The following PCCB variants were observed in gnomAD, a reference collection of about 807,000 sequenced individuals.
PCCB encodes propionyl-CoA carboxylase subunit beta.
PCCB carries 43 observed loss-of-function variants against 60.7 expected under a neutral mutation model. The ratio of observed to expected loss-of-function variants is 0.71; its 90% confidence interval spans 0.55 to 0.91. PCCB has a LOEUF of 0.91. PCCB is among the 40% of genes least tolerant of loss of function. PCCB has a pLI of 0.00. For synonymous variants in PCCB, 276 were observed against 255.9 expected, an observed-to-expected ratio of 1.08 and a Z score of -0.75; for missense variants, 766 against 702.8, an observed-to-expected ratio of 1.09 and a Z score of -1.02.
intron 2 of PCCB, 112 bp downstream of exon 2, chr3:136,256,087 C>A: frequency 6.9e-7 from 1 of 1,445,382 alleles, no homozygotes; most frequent in Non-Finnish European, 9.6e-7. Flanking sequence ...TGCAGAGGCA[C>A]TGCAGACATC....
chr3:136,252,867 A>G (rs1941554586), intron 1 of PCCB, among the ~76,000 whole-genome samples: 1 of 146,730 alleles, frequency 6.8e-6, no homozygotes, highest in African/African-American at 2.5e-5. Flanking sequence ...AACTTACTCT[A>G]CTTTACATGA....
At position 136,273,603 on chromosome 3, in the gene PCCB, T is replaced by C. The variant is rs1347231893; in HGVS notation, c.544-10234T>C. On this transcript the variant is annotated intron_variant, in intron 5 of 14. Coordinates refer to ENST00000251654, the MANE Select transcript of PCCB (RefSeq NM_000532.5). ...CTTTTTTTTTTTCTTTTTTCTTTTT[T>C]TTTTTTTTTTTTTTTTACTGTTGTT... 5.6e-3 allele frequency among the ~76,000 whole-genome samples: 783 copies of C among 138,922 alleles called. 3 individuals carry two copies. The highest frequency in any genetic ancestry group is 0.017 in the East Asian group (84 of 5,020). The allele number at this position is 138,922 out of a possible 152,430, so 91.1% of individuals were successfully genotyped here.
At chr3:136,322,060 T>C (rs1935128501) in intron 10 of PCCB, among the ~76,000 whole-genome samples, 1 of 152,220 alleles carries the variant, frequency 6.6e-6, no homozygotes, top group East Asian at 1.9e-4. Flanking sequence ...GCAGGAAAAC[T>C]TCTAGTTTCT....
At position 136,327,672 on chromosome 3, in the gene PCCB, C is replaced by T. The variant is rs958149789; in HGVS notation, c.1338C>T (p.His446=). The change falls in exon 13 of 15, where the codon CAC becomes CAT. Residue 446 remains histidine, a synonymous_variant. Transcript: ENST00000251654. ...GGAYDVMSSK[H]LCGDTNYAWP... Reference sequence around the variant, plus strand: ...CCTATGATGTCATGAGCTCTAAGCACCTTTGTGGTGATACCAACTATGCCT... The same window carrying T: ...CCTATGATGTCATGAGCTCTAAGCATCTTTGTGGTGATACCAACTATGCCT... 2.4e-5 allele frequency: 39 copies of T among 1,613,912 alleles called. No homozygotes were observed. The highest frequency in any genetic ancestry group is 3.1e-5 in the Non-Finnish European group (37 of 1,179,988).
intron 4 of PCCB, 117 bp from the exon 5 acceptor site, chr3:136,261,835 C>T: frequency 1.4e-6 from 1 of 727,582 alleles, no homozygotes; most frequent in South Asian, 1.5e-5. Flanking sequence ...GTGTTACTGC[C>T]TCCTGTTTTG....
intron 1 of PCCB, among the ~76,000 whole-genome samples, 156 bp downstream of exon 1, chr3:136,250,714 C>T (rs190302995): frequency 4.6e-5 from 7 of 152,358 alleles, no homozygotes; most frequent in Admixed American, 3.9e-4. Context: ...TAGCGTTTCT[C>T]GTGGAGGCGG....
chr3:136,327,377 T>A (rs1347711697), intron 12 of PCCB, 122 bp downstream of exon 12: 2 of 797,668 alleles, frequency 2.5e-6, no homozygotes, highest in Admixed American at 4.0e-5. Context: ...CTTAAAAAGA[T>A]CTCTTGAGGA....
At chr3:136,327,505 G>C in intron 12 of PCCB, 129 bp from the exon 13 acceptor site, 1 of 782,012 alleles carries the variant, frequency 1.3e-6, no homozygotes, top group Non-Finnish European at 2.3e-6. Flanking sequence ...CTTACAGACC[G>C]TGGGCCTTCA....
rs761959795 is a variant in PCCB, at chr3:136,252,268, AT to A, written c.183+1718del. ...TGGGTCAAAGGGTGTAAGTTTATTTATTTTTTTTGAGACAGAGTTCACTCTG... is the reference window on the plus strand; with the variant it reads ...TGGGTCAAAGGGTGTAAGTTTATTTATTTTTTTGAGACAGAGTTCACTCTG... On this transcript the variant is annotated intron_variant, in intron 1 of 14. Transcript: ENST00000251654. 17 of 453,816 alleles carry A rather than the reference AT, an allele frequency of 3.7e-5. No homozygotes were observed. In the East Asian group the frequency reaches 4.2e-4, roughly 11 times the overall value. 28.1% of individuals were successfully genotyped at this position (453,816 alleles called of 1,614,324 possible). A position where few individuals can be genotyped will look rare whatever the true frequency, so the allele number is the denominator to read the frequency against.
intron 11 of PCCB, 78 bp downstream of exon 11, chr3:136,326,988 C>T (rs773113049): frequency 1.7e-6 from 2 of 1,146,808 alleles, no homozygotes; most frequent in Non-Finnish European, 2.7e-6. Flanking sequence ...GATCTTCTTG[C>T]AGAACTCCCC....
intron 5 of PCCB, among the ~76,000 whole-genome samples, chr3:136,277,810 A>G (rs1191547879): frequency 6.6e-6 from 1 of 152,146 alleles, no homozygotes; most frequent in Non-Finnish European, 1.5e-5. Flanking sequence ...GCCTAGGCTC[A>G]GAACTCAAAC....
chr3:136,251,312 C>G (rs1201514520), intron 1 of PCCB: 2 of 456,528 alleles, frequency 4.4e-6, no homozygotes, highest in Non-Finnish European at 8.8e-6. Flanking sequence ...GACTTGAAAC[C>G]AGGCTTGCCC....
chr3:136,261,949 C>G lies in PCCB; in HGVS notation c.430-3C>G. On this transcript the variant is annotated splice_region_variant and splice_polypyrimidine_tract_variant and intron_variant, in intron 4 of 14. Coordinates refer to ENST00000251654, the MANE Select transcript of PCCB (RefSeq NM_000532.5). Reference sequence around the variant, plus strand: ...TCAATAAAAGATTTCTCTGCTGTCTCAGATCATGGACCAGGCCATAACGGT... The same window carrying G: ...TCAATAAAAGATTTCTCTGCTGTCTGAGATCATGGACCAGGCCATAACGGT... 1 of 1,533,504 alleles carries G rather than the reference C, an allele frequency of 6.5e-7. No homozygotes were observed. Among genetic ancestry groups the G allele is most frequent in the Non-Finnish European group, 8.9e-7 (1 of 1,128,428 alleles). 95.0% of individuals were successfully genotyped at this position (1,533,504 alleles called of 1,614,324 possible). A position where few individuals can be genotyped will look rare whatever the true frequency, so the allele number is the denominator to read the frequency against.
intron 1 of PCCB, chr3:136,252,330 T>A: frequency 2.2e-6 from 1 of 455,346 alleles, no homozygotes; most frequent in South Asian, 1.6e-5. Context: ...CACTGCAACT[T>A]CTGCTTCCCA....
At chr3:136,321,287 A>G (rs1032915768) in intron 10 of PCCB, among the ~76,000 whole-genome samples, 4 of 152,226 alleles carry the variant, frequency 2.6e-5, no homozygotes, top group African/African-American at 7.2e-5. Flanking sequence ...ACATGCACAC[A>G]TGCACAGCCT....
At position 136,266,404 on chromosome 3, in the gene PCCB, C is replaced by T. The variant is rs112183603; in HGVS notation, c.543+4339C>T. Among the ~76,000 whole-genome samples, 26 of 152,294 alleles carry T rather than the reference C, an allele frequency of 1.7e-4. 1 individual carries two copies. Among genetic ancestry groups the T allele is most frequent in the African/African-American group, 6.3e-4 (26 of 41,556 alleles). On this transcript the variant is annotated intron_variant, in intron 5 of 14. Transcript: ENST00000251654. The stretch of plus-strand genomic sequence containing the variant: ...TTGGCCTCCCAAAGTGCTGGGATTA[C>T]AGGCGTGAGCCACCGCACCCAGCCA...
chr3:136,293,620 T>G (rs1933800098), intron 6 of PCCB, 136 bp from the exon 7 acceptor site: 2 of 741,636 alleles, frequency 2.7e-6, no homozygotes. Context: ...TGGAGTCGTA[T>G]CTTTAAGCTA....
In PCCB at chr3:136,315,911, T is replaced by TTATA. The variant is rs144372137; in HGVS notation, c.967-1021_967-1018dup. The stretch of plus-strand genomic sequence containing the variant: ...TATAAAAAAGAATGTTCTTATGTGT[T>TTATA]TATATATATATAAAAGAGAGAGTGA... On this transcript the variant is annotated intron_variant, in intron 9 of 14. Transcript: ENST00000251654. Among the ~76,000 whole-genome samples, 21 of 150,820 alleles carry TTATA rather than the reference T, an allele frequency of 1.4e-4. No individual in the cohort carries two copies. In the South Asian group the frequency reaches 3.4e-3, roughly 24 times the overall value.
At chr3:136,259,808 A>C (rs1430971258) in intron 3 of PCCB, among the ~76,000 whole-genome samples, 1 of 152,074 alleles carries the variant, frequency 6.6e-6, no homozygotes, top group Non-Finnish European at 1.5e-5. Context: ...GCTGGAGTGC[A>C]CTGGAGCAAT....
Sources: allele counts gnomAD v4.1 joint callset (sites outside exome capture counted in the v4.1 genomes callset), GRCh38; gene constraint gnomAD v4.1.1; transcripts MANE v1.5; gene names NCBI Gene and HGNC (gene_info 2026-07-23, HGNC 2026-07-21).